The following ARHGAP15 variants were observed in gnomAD, a reference collection of about 807,000 sequenced individuals.
ARHGAP15 encodes the protein rho GTPase-activating protein 15.
Under a neutral mutation model 63.7 loss-of-function variants are expected in ARHGAP15, and 51 were observed. The observed-to-expected ratio is 0.80, with a 90% CI of 0.64 to 1.01. The LOEUF is 1.01. ARHGAP15 is among the 50% of genes least tolerant of loss of function. The probability of loss-of-function intolerance (pLI) is 0.00; values close to 1 mark genes in which losing one functional copy is unlikely to be tolerated. For missense variants in ARHGAP15, 560 were observed against 564.6 expected (o/e 0.99, Z 0.08); for synonymous variants, 191 against 193.8 (o/e 0.99, Z 0.12).
intron 6 of ARHGAP15, among the ~76,000 whole-genome samples, chr2:143,310,120 G>A (rs1252397375): frequency 6.6e-6 from 1 of 151,962 alleles, no homozygotes; most frequent in Non-Finnish European, 1.5e-5. Flanking sequence ...GTACTTCATT[G>A]CATTGCTTAT....
chr2:143,692,861 A>G (rs1683670930), intron 12 of ARHGAP15, among the ~76,000 whole-genome samples: 1 of 152,176 alleles, frequency 6.6e-6, no homozygotes, highest in African/African-American at 2.4e-5. Flanking sequence ...ATGGAACCAA[A>G]TGTTGCAAGG....
intron 4 of ARHGAP15, chr2:143,227,952 A>T (rs1693281067): frequency 1.3e-5 from 2 of 152,160 alleles, no homozygotes. Context: ...AACAGTCTGC[A>T]TTCCCACCAA....
chr2:143,279,485 C>T (rs954009525), intron 6 of ARHGAP15, among the ~76,000 whole-genome samples: 13 of 152,248 alleles, frequency 8.5e-5, no homozygotes, highest in African/African-American at 2.6e-4. Flanking sequence ...GAGATCCTTT[C>T]CAATCCCCAT....
rs113273867 is a variant in ARHGAP15 at position 143,763,998 on chromosome 2, A to G, written c.1245-3991A>G. Among the ~76,000 whole-genome samples the G allele has an allele frequency of 1.2e-4, 18 of 151,794 alleles. 2 individuals carry two copies. Among genetic ancestry groups the G allele is most frequent in the African/African-American group, 3.9e-4 (16 of 41,516 alleles). On this transcript the variant is annotated intron_variant, in intron 13 of 13. Coordinates refer to ENST00000295095, the MANE Select transcript of ARHGAP15 (RefSeq NM_018460.4). ...TGCTGAAAAAATTTAACCTGCAATA[A>G]TGCAAATATAACAGGAATACAAAAC...
Position 143,439,348 on chromosome 2 carries a change from G to A in ARHGAP15, c.703+2306G>A, listed in dbSNP as rs184134976. Among the ~76,000 whole-genome samples the A allele has an allele frequency of 2.2e-3, 318 of 141,648 alleles. 1 individual carries two copies. The highest frequency in any genetic ancestry group is 7.8e-3 in the African/African-American group (299 of 38,332). The allele number at this position is 141,648 out of a possible 152,430, so 92.9% of individuals were successfully genotyped here. On this transcript the variant is annotated intron_variant, in intron 8 of 13. Transcript: ENST00000295095. ...TGAGGCACAAGAATTGCTTCAACCC[G>A]GGAGGCGGAAGTTGCAGTGAGCTAA...
At chr2:143,667,647 A>T (rs1173260107) in intron 12 of ARHGAP15, among the ~76,000 whole-genome samples, 8 of 151,910 alleles carry the variant, frequency 5.3e-5, no homozygotes, top group Non-Finnish European at 8.8e-5. Flanking sequence ...AATCTTTGGG[A>T]AAATGCAATT....
At chr2:143,361,021 G>A (rs1686029068) in intron 6 of ARHGAP15, among the ~76,000 whole-genome samples, 1 of 152,118 alleles carries the variant, frequency 6.6e-6, no homozygotes, top group South Asian at 2.1e-4. Flanking sequence ...CCATGTCTCA[G>A]AACATTACCA....
chr2:143,481,104 CT>C (rs1000752159), intron 8 of ARHGAP15, among the ~76,000 whole-genome samples: 20 of 149,184 alleles, frequency 1.3e-4, no homozygotes, highest in Middle Eastern at 3.5e-3. Context: ...CTTATTTTGT[CT>C]TTTTTTTTTC....
At chr2:143,408,031 A>ATATATATATG (rs1558950738) in intron 6 of ARHGAP15, among the ~76,000 whole-genome samples, 3 of 120,042 alleles carry the variant, frequency 2.5e-5, no homozygotes, top group African/African-American at 9.6e-5. Flanking sequence ...ATATATATAT[A>ATATATATATG]TCCTTTTTCC....
In ARHGAP15 at chr2:143,633,906, G is replaced by A. The variant is rs939501110; in HGVS notation, c.1138+9639G>A. On this transcript the variant is annotated intron_variant, in intron 12 of 13. Coordinates refer to ENST00000295095, the MANE Select transcript of ARHGAP15 (RefSeq NM_018460.4). ...CACTGATGAGTCCTCTAAAATATCT[G>A]CCCACTTACCCCCAACTCTGACTCA... Among the ~76,000 whole-genome samples, 35 of 151,904 alleles carry A rather than the reference G, an allele frequency of 2.3e-4. 1 individual carries two copies. Among genetic ancestry groups the A allele is most frequent in the Admixed American group, 2.2e-3 (33 of 15,214 alleles).
At chr2:143,722,485 C>A (rs973650460) in intron 13 of ARHGAP15, among the ~76,000 whole-genome samples, 1 of 151,954 alleles carries the variant, frequency 6.6e-6, no homozygotes, top group Non-Finnish European at 1.5e-5. Context: ...ATGAAGCATG[C>A]CTATGGAGTG....
At chr2:143,508,287 G>T (rs1693413770) in intron 9 of ARHGAP15, among the ~76,000 whole-genome samples, 1 of 152,158 alleles carries the variant, frequency 6.6e-6, no homozygotes, top group Non-Finnish European at 1.5e-5. Flanking sequence ...GGCTCAGTCG[G>T]TCACTTCATT....
intron 12 of ARHGAP15, among the ~76,000 whole-genome samples, chr2:143,693,235 T>A (rs997392623): frequency 6.6e-6 from 1 of 152,124 alleles, no homozygotes; most frequent in African/African-American, 2.4e-5. Flanking sequence ...CACAAAGCAA[T>A]GGGAAAACAC....
At chr2:143,563,903 C>T (rs1696121538) in intron 11 of ARHGAP15, 1 of 152,242 alleles carries the variant, frequency 6.6e-6, no homozygotes, top group Admixed American at 6.5e-5. Context: ...AACTTAGCTA[C>T]CTAAAGCAAT....
intron 12 of ARHGAP15, among the ~76,000 whole-genome samples, chr2:143,689,810 GA>G (rs1683512766): frequency 6.6e-6 from 1 of 152,108 alleles, no homozygotes; most frequent in Non-Finnish European, 1.5e-5. Flanking sequence ...TTACATATGG[GA>G]CTACACAATT....
chr2:143,702,870 C>T (rs1684153019), intron 12 of ARHGAP15, among the ~76,000 whole-genome samples: 1 of 152,090 alleles, frequency 6.6e-6, no homozygotes, highest in Non-Finnish European at 1.5e-5. Flanking sequence ...TTTGTGATTC[C>T]ACTGGGCCCA....
chr2:143,495,592 C>T (rs1574530102), intron 9 of ARHGAP15, among the ~76,000 whole-genome samples: 1 of 152,000 alleles, frequency 6.6e-6, no homozygotes, highest in African/African-American at 2.4e-5. Context: ...AATTATAGTT[C>T]TTTTAAAAAT....
At chr2:143,285,475 C>T (rs1244385462) in intron 6 of ARHGAP15, among the ~76,000 whole-genome samples, 2 of 152,062 alleles carry the variant, frequency 1.3e-5, no homozygotes, top group Admixed American at 1.3e-4. Context: ...ATCTTTACCT[C>T]GGTCAGGTGG....
At chr2:143,382,700 T>C (rs1687112409) in intron 6 of ARHGAP15, among the ~76,000 whole-genome samples, 1 of 152,126 alleles carries the variant, frequency 6.6e-6, no homozygotes, top group Admixed American at 6.6e-5. Flanking sequence ...CACACTTGCT[T>C]CCGAAAGAAA....
Sources: gnomAD v4.1 joint callset for allele counts (sites outside exome capture counted in the v4.1 genomes callset) on GRCh38, gnomAD v4.1.1 for gene constraint, MANE v1.5 for transcripts, NCBI Gene and HGNC (gene_info 2026-07-23, HGNC 2026-07-21) for gene names.